Variants in FARP2 observed in about 807,000 individuals in gnomAD.
FARP2 encodes FERM, ARHGEF and pleckstrin domain-containing protein 2.
A neutral mutation model predicts 130.5 loss-of-function variants in FARP2; 111 were observed. The ratio of observed to expected loss-of-function variants is 0.85; its 90% CI spans 0.73 to 1.00. The LOEUF (loss-of-function observed/expected upper bound fraction) is 1.00. Ranked by LOEUF, FARP2 falls within the 50% of genes least tolerant of loss-of-function variation. The pLI is 0.00. For missense variants in FARP2, 1,385 were observed against 1,346.3 expected (o/e 1.03, Z -0.45); for synonymous variants, 504 against 516.9 (o/e 0.98, Z 0.34).
At chr2:241,397,937 C>G (rs2062071113) in intron 2 of FARP2, among the ~76,000 whole-genome samples, 1 of 149,172 alleles carries the variant, frequency 6.7e-6, no homozygotes, top group Middle Eastern at 3.3e-3. Flanking sequence ...TCACACCATT[C>G]TCCTACCTCA....
chr2:241,366,140 C>CGTATATATATATAT (rs1559702356), intron 1 of FARP2, among the ~76,000 whole-genome samples: 4 of 17,996 alleles, frequency 2.2e-4, no homozygotes, highest in African/African-American at 3.7e-4. Flanking sequence ...TATATATATA[C>CGTATATATATATAT]ACACACACAT....
chr2:241,440,176 G>A (rs867891366), intron 12 of FARP2, among the ~76,000 whole-genome samples: 6 of 152,124 alleles, frequency 3.9e-5, no homozygotes, highest in Non-Finnish European at 1.5e-5. Context: ...TTTACATATG[G>A]TAACACGTGC....
At position 241,433,836 on chromosome 2, in the gene FARP2, G is replaced by A. The variant is rs536394078; in HGVS notation, c.868-322G>A. Among the ~76,000 whole-genome samples, 6 of 152,254 alleles carry A rather than the reference G, an allele frequency of 3.9e-5. No individual in the cohort carries two copies. The East Asian group carries it at 1.2e-3, about 29-fold the overall frequency. ...GGCTCAGGAGTTCAAGACCAGCCTG[G>A]CCAACATGGCAAAACCCTTTTTCTA... On this transcript the variant is annotated intron_variant, in intron 9 of 26. Coordinates refer to ENST00000264042, the MANE Select transcript of FARP2 (RefSeq NM_014808.4).
intron 4 of FARP2, among the ~76,000 whole-genome samples, chr2:241,406,058 C>T (rs2062331602): frequency 6.6e-6 from 1 of 151,864 alleles, no homozygotes; most frequent in South Asian, 2.1e-4. Flanking sequence ...AATCCCAGCA[C>T]TTTGGGAGGC....
chr2:241,476,476 T>C (rs1366300332), intron 19 of FARP2, among the ~76,000 whole-genome samples: 1 of 152,028 alleles, frequency 6.6e-6, no homozygotes, highest in East Asian at 1.9e-4. Context: ...TCACCTGAGG[T>C]TGGGAGTTCG....
chr2:241,410,317 A>G (rs761573875), intron 5 of FARP2, among the ~76,000 whole-genome samples: 1 of 152,126 alleles, frequency 6.6e-6, no homozygotes, highest in Non-Finnish European at 1.5e-5. Context: ...CTGTGAGTGC[A>G]GTTTTATGTG....
rs368563944 is a variant in FARP2 at position 241,476,286 on chromosome 2, C to T, written c.2262+299C>T. The stretch of plus-strand genomic sequence containing the variant: ...CCTGTGGTCCCAGCTACTCAGGAGA[C>T]TGAGATGGGAGGATCGCTTGAGCCA... On this transcript the variant is annotated intron_variant, in intron 19 of 26. Coordinates refer to ENST00000264042, the MANE Select transcript of FARP2 (RefSeq NM_014808.4). 9.2e-5 allele frequency among the ~76,000 whole-genome samples: 14 copies of T among 151,382 alleles called. No homozygotes were observed. In the East Asian group the frequency reaches 1.9e-3, roughly 21 times the overall value.
In FARP2 at chr2:241,437,673, T is replaced by TATTTATTTATTTA. The variant is rs79917380; in HGVS notation, c.1158+1135_1158+1136insATTTATTTATTTA. 2.1e-5 allele frequency among the ~76,000 whole-genome samples: 3 copies of TATTTATTTATTTA among 141,648 alleles called. No homozygotes were observed. In the South Asian group the frequency reaches 6.7e-4, roughly 32 times the overall value. The allele number at this position is 141,648 out of a possible 152,430, so 92.9% of individuals were successfully genotyped here. A position where few individuals can be genotyped will look rare whatever the true frequency, so the allele number is the denominator to read the frequency against. On this transcript the variant is annotated intron_variant, in intron 12 of 26. Transcript: ENST00000264042. ...ATATTTATTTATTTATTTATTTATT[T>TATTTATTTATTTA]TTTTTTTTTGAGACGGAGTCTTGCT...
rs182140454 is a variant in FARP2, at chr2:241,408,512, G to T, written c.410+897G>T. Among the ~76,000 whole-genome samples, 184 of 149,804 alleles carry T rather than the reference G, an allele frequency of 1.2e-3. 1 individual carries two copies. The highest frequency in any genetic ancestry group is 4.4e-3 in the African/African-American group (180 of 40,584). On this transcript the variant is annotated intron_variant, in intron 5 of 26. Coordinates refer to ENST00000264042, the MANE Select transcript of FARP2 (RefSeq NM_014808.4). ...GAGCCGAGATTGGCATTTCAGTCCA[G>T]CCTGGGCAACAAGAGCGAAACTCTG...
At chr2:241,444,825 T>C (rs1261203458) in intron 13 of FARP2, 3 of 152,218 alleles carry the variant, frequency 2.0e-5, no homozygotes. Context: ...AAAGCAGGAA[T>C]GTAAGGAACC....
At chr2:241,366,473 T>A (rs1312599820) in intron 1 of FARP2, among the ~76,000 whole-genome samples, 2 of 151,918 alleles carry the variant, frequency 1.3e-5, no homozygotes, top group African/African-American at 4.8e-5. Context: ...TTAAAAAAAA[T>A]AACCTGGGGA....
At chr2:241,468,106 C>T (rs779720189) in intron 17 of FARP2, 34 bp from the exon 18 acceptor site, 3 of 1,412,450 alleles carry the variant, frequency 2.1e-6, no homozygotes, top group East Asian at 4.6e-5. Flanking sequence ...CCTACATCTC[C>T]TCACCTAAAG....
At chr2:241,428,100 A>G (rs1393259370) in intron 8 of FARP2, among the ~76,000 whole-genome samples, 1 of 152,088 alleles carries the variant, frequency 6.6e-6, no homozygotes, top group Non-Finnish European at 1.5e-5. Context: ...TGTCCTGGAT[A>G]TATAAATAAT....
At chr2:241,427,891 G>A (rs1176844764) in intron 8 of FARP2, among the ~76,000 whole-genome samples, 4 of 152,048 alleles carry the variant, frequency 2.6e-5, no homozygotes, top group African/African-American at 4.8e-5. Context: ...TCAGCCTCCC[G>A]AGTAGCTGGG....
intron 26 of FARP2, chr2:241,493,745 C>T (rs368578935): frequency 8.6e-5 from 41 of 477,572 alleles, no homozygotes; most frequent in African/African-American, 5.9e-4. Context: ...CAGGCATGCA[C>T]GCCACGCCGC....
intron 5 of FARP2, among the ~76,000 whole-genome samples, chr2:241,408,347 G>T (rs903453067): frequency 6.6e-6 from 1 of 151,990 alleles, no homozygotes; most frequent in Non-Finnish European, 1.5e-5. Context: ...ACTCTAGCCT[G>T]GGTGACAGAG....
At chr2:241,404,220 A>G (rs931363756) in intron 3 of FARP2, among the ~76,000 whole-genome samples, 1 of 152,200 alleles carries the variant, frequency 6.6e-6, no homozygotes, top group African/African-American at 2.4e-5. Flanking sequence ...ACTTGTAGCA[A>G]ACTTAACCAG....
Position 241,482,016 on chromosome 2 carries a change from A to G in FARP2, c.2263-1449A>G, listed in dbSNP as rs1335341642. On this transcript the variant is annotated intron_variant, in intron 19 of 26. Coordinates refer to ENST00000264042, the MANE Select transcript of FARP2 (RefSeq NM_014808.4). This position sits in a 1 kb window ranked among gnomAD's most constrained non-coding sequence, Gnocchi z 4.6. Reference sequence around the variant, plus strand: ...CTAAAGTCATGTCTGGATAGCCCAGAATTTCTTGTCTTCCTGAGTTAAATA... The same window carrying G: ...CTAAAGTCATGTCTGGATAGCCCAGGATTTCTTGTCTTCCTGAGTTAAATA... Among the ~76,000 whole-genome samples, 1 of 152,244 alleles carries G rather than the reference A, an allele frequency of 6.6e-6. No homozygotes were observed. The highest frequency in any genetic ancestry group is 2.4e-5 in the African/African-American group (1 of 41,462).
chr2:241,466,698 C>CACCA, intron 17 of FARP2: 1 of 629,618 alleles, frequency 1.6e-6, no homozygotes, highest in Non-Finnish European at 1.9e-6. Context: ...CACCCCCCCC[C>CACCA]CCACCACCAC....
Sources: allele counts gnomAD v4.1 joint callset (sites outside exome capture counted in the v4.1 genomes callset), GRCh38; gene constraint gnomAD v4.1.1; non-coding constraint Gnocchi (gnomAD v3.1); transcripts MANE v1.5; gene names NCBI Gene and HGNC (gene_info 2026-07-23, HGNC 2026-07-21).